The following PODNL1 variants were observed in gnomAD, a reference collection of about 807,000 sequenced individuals.
PODNL1 encodes podocan like 1.
In PODNL1, 50 loss-of-function variants were observed where a neutral mutation model predicts 45.1. The ratio of observed to expected loss-of-function variants is 1.11; its 90% CI spans 0.88 to 1.40. The LOEUF (loss-of-function observed/expected upper bound fraction) is 1.40, where lower values mean the gene tolerates loss of function less well. Ranked by LOEUF, PODNL1 falls within the 40% of genes most tolerant of loss-of-function variation. The pLI is 0.00. For missense variants in PODNL1, 788 were observed against 793.3 expected, an observed-to-expected ratio of 0.99 and a Z score of 0.08; for synonymous variants, 406 against 372.5, an observed-to-expected ratio of 1.09 and a Z score of -1.04.
Position 13,934,277 on chromosome 19 carries a change from A to AGGGCGGCAGGCT in PODNL1, c.616_627dup (p.Pro208_Leu211dup), listed in dbSNP as rs761916783. The AGGGCGGCAGGCT allele has an allele frequency of 6.6e-7, 1 of 1,523,978 alleles. No homozygotes were observed. The allele number at this position is 1,523,978 out of a possible 1,614,324, so 94.4% of individuals were successfully genotyped here. A position where few individuals can be genotyped will look rare whatever the true frequency, so the allele number is the denominator to read the frequency against. On this transcript the variant is annotated inframe_insertion, in exon 6 of 10. Coordinates refer to ENST00000588872, the MANE Select transcript of PODNL1 (RefSeq NM_001370095.3). ...ACCTGCAGGTGGAGCCGCTCGAGTG[A>AGGGCGGCAGGCT]GGGCGGCAGGCTGGGCGGCAGGTAG... is the stretch of plus-strand genomic sequence containing the variant.
chr19:13,949,543 C>T (rs1444579225), intron 1 of PODNL1: 1 of 152,186 alleles, frequency 6.6e-6, no homozygotes, highest in Non-Finnish European at 1.5e-5. Context: ...AAATTCTTCT[C>T]AAGCCATCTT....
chr19:13,952,618 G>A, intron 1 of PODNL1: 2 of 1,264,710 alleles, frequency 1.6e-6, no homozygotes, highest in Non-Finnish European at 2.0e-6. Context: ...GCGGGAGCAC[G>A]TCCTCAAGCA....
upstream of PODNL1, among the ~76,000 whole-genome samples, chr19:13,940,307 C>T (rs1972612226): frequency 6.6e-6 from 1 of 152,082 alleles, no homozygotes; most frequent in Non-Finnish European, 1.5e-5. Flanking sequence ...CGCGGTGGCT[C>T]ACACCTGTAA....
At position 13,934,255 on chromosome 19, in the gene PODNL1, TG is replaced by T; in HGVS notation, c.649del (p.Gln217ArgfsTer13). 6.6e-7 allele frequency: 1 copy of T among 1,504,658 alleles called. No individual in the cohort carries two copies. The highest frequency in any genetic ancestry group is 1.4e-5 in the South Asian group (1 of 73,498). 93.2% of individuals were successfully genotyped at this position (1,504,658 alleles called of 1,614,324 possible). Reference protein sequence around the residue: ...LPPSLERLHLQNNLISKVPRG... With the variant: ...LPPSLERLHLXNNLISKVPRG... ...GGGTGGGACCTACAGCAGGGCTACCTGCAGGTGGAGCCGCTCGAGTGAGGGC... is the reference window on the plus strand; with the variant it reads ...GGGTGGGACCTACAGCAGGGCTACCTCAGGTGGAGCCGCTCGAGTGAGGGC... On this transcript the variant is annotated frameshift_variant and splice_region_variant, in exon 6 of 10. Transcript: ENST00000588872. LOFTEE classifies it high-confidence loss of function.
chr19:13,934,308 C>A lies in PODNL1; in HGVS notation c.597G>T (p.Gln199His). The A allele has an allele frequency of 6.5e-7, 1 of 1,546,798 alleles. No homozygotes were observed. The highest frequency in any genetic ancestry group is 8.7e-7 in the Non-Finnish European group (1 of 1,149,376). ...AIATLSLSNN[Q>H]LSYLPPSLPP... ...GCAGGCTGGGCGGCAGGTAGCTGAG[C>A]TGGTTGTTGGAGAGGCTGAGGGTGG... Residue 199 changes from glutamine (Q) to histidine (H), a missense_variant, in exon 6 of 10, where the codon CAG becomes CAT. Physicochemically the swap from Gln to His is conservative, Grantham distance 24. Coordinates refer to ENST00000588872, the MANE Select transcript of PODNL1 (RefSeq NM_001370095.3).
At chr19:13,935,285 C>G (rs772195564) in intron 5 of PODNL1, among the ~76,000 whole-genome samples, 2 of 152,150 alleles carry the variant, frequency 1.3e-5, no homozygotes, top group Non-Finnish European at 2.9e-5. Context: ...GGCTAGGGAT[C>G]TGTCCCTGGT....
chr19:13,938,122 G>A (rs1177965221), intron 1 of PODNL1, 57 bp downstream of exon 1: 3 of 1,537,976 alleles, frequency 2.0e-6, no homozygotes, highest in South Asian at 1.2e-5. Flanking sequence ...AGTTGGCAGA[G>A]CAGGGGTGGG....
Position 13,937,692 on chromosome 19 carries a change from C to A in PODNL1, c.225+93G>T, listed in dbSNP as rs1006915119. On this transcript the variant is annotated intron_variant, in intron 2 of 9. Coordinates refer to ENST00000588872, the MANE Select transcript of PODNL1 (RefSeq NM_001370095.3). ...CCTCCTGCAAGTGTGTTCCTATACCCCACCACGCTCCTCAGCTCTGGGGCA... is the reference window on the plus strand; with the variant it reads ...CCTCCTGCAAGTGTGTTCCTATACCACACCACGCTCCTCAGCTCTGGGGCA... 21 of 1,218,366 alleles carry A rather than the reference C, an allele frequency of 1.7e-5. 1 individual carries two copies. Among genetic ancestry groups the A allele is most frequent in the African/African-American group, 1.5e-4 (10 of 66,574 alleles). 75.5% of individuals were successfully genotyped at this position (1,218,366 alleles called of 1,614,324 possible).
chr19:13,938,545 G>A (rs142684185), upstream of PODNL1: 4 of 979,042 alleles, frequency 4.1e-6, no homozygotes, highest in South Asian at 4.4e-5. Context: ...TATTTGGGAC[G>A]ACCGCAGGAG....
rs73925406 is a variant in PODNL1 at position 13,933,667 on chromosome 19, G to T, written c.767+211C>A. On this transcript the variant is annotated intron_variant, in intron 7 of 9. Transcript: ENST00000588872. This position sits in a 1 kb window ranked among gnomAD's most constrained non-coding sequence, Gnocchi z 5.2. ...GTTAGCTATGGGGGTGACCAGGGTA[G>T]AGCCGAGATGGAAAGGCATGTGAGA... Among the ~76,000 whole-genome samples the T allele has an allele frequency of 6.6e-6, 1 of 152,218 alleles. No homozygotes were observed.
Position 13,933,316 on chromosome 19 carries a change from C to A in PODNL1, c.907G>T (p.Ala303Ser). ...RQVEAARLHGARGLRYLLLQH... is the reference protein window; with the variant it reads ...RQVEAARLHGSRGLRYLLLQH... ...AGCAACAAATAGCGCAGACCACGCG[C>A]CCCGTGCAGCCGAGCCGCCTCCACC... The change falls in exon 8 of 10, where the codon GCG becomes TCG. Residue 303 changes from alanine (A) to serine (S), a missense_variant. Coordinates refer to ENST00000588872, the MANE Select transcript of PODNL1 (RefSeq NM_001370095.3). The surrounding 1 kb of genome is among the most constrained non-coding windows in gnomAD (Gnocchi z 5.2). 1 of 1,596,496 alleles carries A rather than the reference C, an allele frequency of 6.3e-7. No homozygotes were observed. The highest frequency in any genetic ancestry group is 8.5e-7 in the Non-Finnish European group (1 of 1,175,650).
Position 13,933,858 on chromosome 19 carries a change from G to GC in PODNL1, c.767+19dup, listed in dbSNP as rs1352498986. ...CGACTGTAAATTCTCAGCCCCTGCT[G>GC]CCCCCCAACCAGCCTGTACCTGAAG... is the stretch of plus-strand genomic sequence containing the variant. On this transcript the variant is annotated intron_variant, in intron 7 of 9. Transcript: ENST00000588872. The surrounding 1 kb of genome is among the most constrained non-coding windows in gnomAD (Gnocchi z 5.2). The GC allele has an allele frequency of 2.5e-6, 4 of 1,572,028 alleles. No individual in the cohort carries two copies. Among genetic ancestry groups the GC allele is most frequent in the African/African-American group, 1.4e-5 (1 of 73,968 alleles).
chr19:13,938,252 C>T lies in PODNL1; in HGVS notation c.-71G>A. 1 of 1,561,834 alleles carries T rather than the reference C, an allele frequency of 6.4e-7. No individual in the cohort carries two copies. Among genetic ancestry groups the T allele is most frequent in the Non-Finnish European group, 8.6e-7 (1 of 1,156,224 alleles). On this transcript the variant is annotated 5_prime_UTR_variant, in exon 1 of 10. Transcript: ENST00000588872. ...TTCCTAATGGAAACCAGGCGGTCAC[C>T]TCCTGGAGCCTCTGCTGTGGCCACC...
At chr19:13,951,144 C>T (rs571405784) in intron 1 of PODNL1, among the ~76,000 whole-genome samples, 27 of 150,542 alleles carry the variant, frequency 1.8e-4, no homozygotes, top group Non-Finnish European at 3.2e-4. Flanking sequence ...TAGTACATAA[C>T]TCCTAAAACC....
At position 13,932,076 on chromosome 19, in the gene PODNL1, G is replaced by A; in HGVS notation, c.1462C>T (p.Pro488Ser). ...TCTAGGGCCTCAGGCAGGTCCGGGG[G>A]CACAAAGGACAGCTCATTGTGGCTG... Reference protein sequence around the residue: ...DLSHNELSFVPPDLPEALEEL... With the variant: ...DLSHNELSFVSPDLPEALEEL... The change falls in exon 9 of 10, where the codon CCC (proline) becomes TCC (serine). Residue 488 changes from proline to serine, a missense_variant. Pro to Ser is a moderately conservative substitution (Grantham distance 74). Coordinates refer to ENST00000588872, the MANE Select transcript of PODNL1 (RefSeq NM_001370095.3). The A allele has an allele frequency of 8.1e-7, 1 of 1,232,806 alleles. No homozygotes were observed. Among genetic ancestry groups the A allele is most frequent in the Non-Finnish European group, 1.0e-6 (1 of 988,456 alleles). 76.4% of individuals were successfully genotyped at this position (1,232,806 alleles called of 1,614,324 possible).
chr19:13,932,084 G>A lies in PODNL1; in HGVS notation c.1454C>T (p.Ser485Phe). The A allele has an allele frequency of 8.1e-7, 1 of 1,233,142 alleles. No homozygotes were observed. The highest frequency in any genetic ancestry group is 1.0e-6 in the Non-Finnish European group (1 of 988,732). 76.4% of individuals were successfully genotyped at this position (1,233,142 alleles called of 1,614,324 possible). The change falls in exon 9 of 10, where the codon TCC becomes TTC. Residue 485 changes from serine to phenylalanine, a missense_variant. Ser to Phe is a radical substitution (Grantham distance 155). Coordinates refer to ENST00000588872, the MANE Select transcript of PODNL1 (RefSeq NM_001370095.3). ...CTCAGGCAGGTCCGGGGGCACAAAG[G>A]ACAGCTCATTGTGGCTGAGGTCCAG... The part of the protein sequence containing the change: ...QMLDLSHNEL[S>F]FVPPDLPEAL...
At chr19:13,945,013 T>C (rs1599448286) in intron 1 of PODNL1, among the ~76,000 whole-genome samples, 1 of 152,128 alleles carries the variant, frequency 6.6e-6, no homozygotes, top group African/African-American at 2.4e-5. Context: ...TGATCTCAGG[T>C]GATCCACCCA....
intron 1 of PODNL1, among the ~76,000 whole-genome samples, chr19:13,950,182 A>G (rs143005715): frequency 5.1e-4 from 68 of 133,340 alleles, no homozygotes; most frequent in African/African-American, 1.9e-3. Context: ...TTTGTTTTTT[A>G]TTTGAGACAA....
At chr19:13,950,751 A>T (rs1012318134) in intron 1 of PODNL1, among the ~76,000 whole-genome samples, 1 of 152,092 alleles carries the variant, frequency 6.6e-6, no homozygotes, top group African/African-American at 2.4e-5. Context: ...TTGGCTAAAG[A>T]TACATTGTGA....
Sources: allele counts gnomAD v4.1 joint callset (sites outside exome capture counted in the v4.1 genomes callset), GRCh38; gene constraint gnomAD v4.1.1; non-coding constraint Gnocchi (gnomAD v3.1); transcripts MANE v1.5; gene names NCBI Gene and HGNC (gene_info 2026-07-23, HGNC 2026-07-21).